Variants in PRDM13 observed in about 807,000 individuals in gnomAD.
PRDM13 encodes the protein PR domain zinc finger protein 13.
Under a neutral mutation model 36.4 loss-of-function variants are expected in PRDM13, and 15 were observed. That is an observed-to-expected ratio of 0.41 (90% CI 0.28 to 0.64). The LOEUF (loss-of-function observed/expected upper bound fraction) is 0.64. Among genes scored for constraint, PRDM13 ranks in the 30% least tolerant of loss-of-function variants. PRDM13 has a pLI of 0.29. For missense variants in PRDM13, 1,044 were observed against 1,013.5 expected (o/e 1.03, Z -0.41); for synonymous variants, 531 against 467.7 (o/e 1.14, Z -1.75).
intron 1 of PRDM13, 21 bp from the exon 2 acceptor site, chr6:99,608,720 C>T (rs1769988784): frequency 1.3e-6 from 2 of 1,591,546 alleles, no homozygotes; most frequent in South Asian, 1.1e-5. Context: ...CGGGGGAGAA[C>T]GACCACTGCT....
At chr6:99,612,104 T>G (rs1770039310) in intron 3 of PRDM13, among the ~76,000 whole-genome samples, 2 of 152,206 alleles carry the variant, frequency 1.3e-5, no homozygotes. Context: ...ATTCTGCACT[T>G]ATTAAAAGCT....
chr6:99,614,240 G>A lies in PRDM13; in HGVS notation c.1605G>A (p.Gly535=), dbSNP rs1185899296. Residue 535 remains glycine (G), a synonymous_variant, in exon 4 of 4, where the codon GGG becomes GGA. Transcript: ENST00000369215. ...AGCAGCTGTCCGAGATGGCTGCCGG[G>A]AAGGGTCGCGGACGCCTGGACTCGG... ...HNQQLSEMAA[G]KGRGRLDSGT... is the part of the protein sequence containing the mutation. 6.2e-7 allele frequency: 1 copy of A among 1,609,228 alleles called. No homozygotes were observed.
At position 99,613,848 on chromosome 6, in the gene PRDM13, G is replaced by T. The variant is rs754692246; in HGVS notation, c.1213G>T (p.Val405Leu). 23 of 1,509,958 alleles carry T rather than the reference G, an allele frequency of 1.5e-5. No homozygotes were observed. Among genetic ancestry groups the T allele is most frequent in the South Asian group, 7.4e-5 (6 of 81,072 alleles). The allele number at this position is 1,509,958 out of a possible 1,614,324, so 93.5% of individuals were successfully genotyped here. ...GGAAGAGGCGTCCGCCTTCAAGCAC[G>T]TGGAGCGCGCCCCGCCCGCAGCCGC... is the stretch of plus-strand genomic sequence containing the variant. ...PPEEASAFKH[V>L]ERAPPAAAAL... Residue 405 changes from valine (V) to leucine (L), a missense_variant, in exon 4 of 4, where the codon GTG becomes TTG. Val to Leu is a conservative substitution (Grantham distance 32, BLOSUM62 1). Transcript: ENST00000369215. The surrounding 1 kb of genome is among the most constrained non-coding windows in gnomAD (Gnocchi z 6.1).
rs374502282 is a variant in PRDM13, at chr6:99,607,169, T to C, written c.135T>C (p.Pro45=). ...KYLSDRREPG[P]KKKVRMVRGE... ...TGTCAGACCGCAGGGAGCCCGGGCC[T>C]AAGAAAAAGGTATTGACCATTCAGA... Residue 45 remains proline, a synonymous_variant, in exon 1 of 4, where the codon CCT becomes CCC. Coordinates refer to ENST00000369215, the MANE Select transcript of PRDM13 (RefSeq NM_021620.4). The C allele has an allele frequency of 2.4e-5, 38 of 1,613,568 alleles. No individual in the cohort carries two copies. Among genetic ancestry groups the C allele is most frequent in the Non-Finnish European group, 3.0e-5 (35 of 1,179,954 alleles).
rs372810417 is a variant in PRDM13 at position 99,612,212 on chromosome 6, TG to T, written c.398-820del. Among the ~76,000 whole-genome samples, 269 of 152,352 alleles carry T rather than the reference TG, an allele frequency of 1.8e-3. 3 individuals are homozygous for T. Among genetic ancestry groups the T allele is most frequent in the African/African-American group, 6.2e-3 (256 of 41,582 alleles). On this transcript the variant is annotated intron_variant, in intron 3 of 3. Coordinates refer to ENST00000369215, the MANE Select transcript of PRDM13 (RefSeq NM_021620.4). ...CCAAAGACTTTACTAAGCTTGGATT[TG>T]TGCAGCTATCTAGGAGTTAATTAAT...
intron 1 of PRDM13, among the ~76,000 whole-genome samples, chr6:99,607,806 ACAGGGTCAGAG>A (rs1302524389): frequency 1.3e-5 from 2 of 152,202 alleles, no homozygotes; most frequent in East Asian, 3.9e-4. Flanking sequence ...CGCGCGGGGC[ACAGGGTCAGAG>A]CGTCTGCAGC....
intron 3 of PRDM13, among the ~76,000 whole-genome samples, chr6:99,609,514 G>A (rs1281604508): frequency 6.6e-6 from 1 of 152,080 alleles, no homozygotes; most frequent in East Asian, 1.9e-4. Context: ...CAATGGCAGG[G>A]GAAAAAGTAG....
chr6:99,609,905 A>T (rs9376302), intron 3 of PRDM13, among the ~76,000 whole-genome samples: 23,740 of 144,866 alleles, frequency 0.16, 3,336 homozygotes, highest in East Asian at 0.7. Flanking sequence ...AATAAAAATA[A>T]AAAATAAAAA....
chr6:99,614,599 G>A lies in PRDM13; in HGVS notation c.1964G>A (p.Gly655Asp). 6.2e-7 allele frequency: 1 copy of A among 1,612,598 alleles called. No individual in the cohort carries two copies. Among genetic ancestry groups the A allele is most frequent in the East Asian group, 2.2e-5 (1 of 44,856 alleles). Reference sequence around the variant, plus strand: ...CGACATGTCAAGTCCCGCCACCCTGGCCAGAGTCTGCTCGCCAAAGCGGGC... The same window carrying A: ...CGACATGTCAAGTCCCGCCACCCTGACCAGAGTCTGCTCGCCAAAGCGGGC... ...LERHVKSRHP[G>D]QSLLAKAGDG... The change falls in exon 4 of 4, where the codon GGC becomes GAC. Residue 655 changes from glycine to aspartate, a missense_variant. Coordinates refer to ENST00000369215, the MANE Select transcript of PRDM13 (RefSeq NM_021620.4).
At position 99,614,933 on chromosome 6, in the gene PRDM13, A is replaced by G; in HGVS notation, c.*174A>G. The G allele has an allele frequency of 1.1e-6, 1 of 898,318 alleles. No homozygotes were observed. Among genetic ancestry groups the G allele is most frequent in the Non-Finnish European group, 1.6e-6 (1 of 612,618 alleles). The allele number at this position is 898,318 out of a possible 1,614,324, so 55.6% of individuals were successfully genotyped here. On this transcript the variant is annotated 3_prime_UTR_variant, in exon 4 of 4. Coordinates refer to ENST00000369215, the MANE Select transcript of PRDM13 (RefSeq NM_021620.4). ...GGTCCCACATCTGGTGCTGAAACTCAGAGCAACAGTTCAGAGGTGGCGTAA... is the reference window on the plus strand; with the variant it reads ...GGTCCCACATCTGGTGCTGAAACTCGGAGCAACAGTTCAGAGGTGGCGTAA...
chr6:99,613,483 G>A lies in PRDM13; in HGVS notation c.848G>A (p.Gly283Asp), dbSNP rs1407853093. ...GIVGGSSAGV[G>D]SLAFYPGVRS... The stretch of plus-strand genomic sequence containing the variant: ...GTGGGCGGCTCCTCGGCGGGGGTCG[G>A]CAGCCTGGCTTTCTACCCCGGCGTG... The change falls in exon 4 of 4, where the codon GGC becomes GAC. Residue 283 changes from glycine (G) to aspartate (D), a missense_variant. By Grantham distance (94) the Gly-to-Asp change is moderately conservative. Around this residue, in one of 3 missense-constraint regions of PRDM13, gnomAD observed 921 missense variants for 865.2 expected, o/e 1.06. Coordinates refer to ENST00000369215, the MANE Select transcript of PRDM13 (RefSeq NM_021620.4). The surrounding 1 kb of genome is among the most constrained non-coding windows in gnomAD (Gnocchi z 6.1). The A allele has an allele frequency of 2.6e-6, 4 of 1,529,364 alleles. No homozygotes were observed. The highest frequency in any genetic ancestry group is 2.6e-6 in the Non-Finnish European group (3 of 1,146,730). The allele number at this position is 1,529,364 out of a possible 1,614,324, so 94.7% of individuals were successfully genotyped here.
chr6:99,610,060 G>A (rs1420302595), intron 3 of PRDM13, among the ~76,000 whole-genome samples: 1 of 152,150 alleles, frequency 6.6e-6, no homozygotes, highest in Non-Finnish European at 1.5e-5. Context: ...CATTTTAGAA[G>A]TATTACGGTA....
At chr6:99,611,895 A>G (rs1428086832) in intron 3 of PRDM13, among the ~76,000 whole-genome samples, 2 of 152,248 alleles carry the variant, frequency 1.3e-5, no homozygotes, top group East Asian at 3.9e-4. Flanking sequence ...AAGAAACCCA[A>G]CTGCAAGATC....
Position 99,614,993 on chromosome 6 carries a change from A to C in PRDM13, c.*234A>C. ...CCTGGAGAGCTCGAGTGCCACCAGT[A>C]CCTCCGCACCCCGGGCCTCTGGACT... On this transcript the variant is annotated 3_prime_UTR_variant, in exon 4 of 4. Coordinates refer to ENST00000369215, the MANE Select transcript of PRDM13 (RefSeq NM_021620.4). The C allele has an allele frequency of 1.7e-6, 1 of 590,030 alleles. No individual in the cohort carries two copies. The highest frequency in any genetic ancestry group is 2.4e-5 in the South Asian group (1 of 41,218). The allele number at this position is 590,030 out of a possible 1,614,324, so 36.5% of individuals were successfully genotyped here. A position where few individuals can be genotyped will look rare whatever the true frequency, so the allele number is the denominator to read the frequency against.
In PRDM13 at chr6:99,614,619, G is replaced by C. The variant is rs1770102202; in HGVS notation, c.1984G>C (p.Ala662Pro). ...CCCTGGCCAGAGTCTGCTCGCCAAA[G>C]CGGGCGACGGCCCGGGTGCCGAGCC... Reference protein sequence around the residue: ...RHPGQSLLAKAGDGPGAEPGY... With the variant: ...RHPGQSLLAKPGDGPGAEPGY... The change falls in exon 4 of 4, where the codon GCG becomes CCG. Residue 662 changes from alanine (A) to proline (P), a missense_variant. Physicochemically the swap from Ala to Pro is conservative, Grantham distance 27. Coordinates refer to ENST00000369215, the MANE Select transcript of PRDM13 (RefSeq NM_021620.4). 1 of 1,612,448 alleles carries C rather than the reference G, an allele frequency of 6.2e-7. No individual in the cohort carries two copies. Among genetic ancestry groups the C allele is most frequent in the African/African-American group, 1.3e-5 (1 of 75,062 alleles).
At chr6:99,608,621 G>T in intron 1 of PRDM13, 120 bp from the exon 2 acceptor site, 1 of 1,380,390 alleles carries the variant, frequency 7.2e-7, no homozygotes. Context: ...GCCCATAGTG[G>T]TCTGGCCAAA....
chr6:99,612,396 C>T (rs1204928351), intron 3 of PRDM13, among the ~76,000 whole-genome samples: 1 of 152,050 alleles, frequency 6.6e-6, no homozygotes, highest in African/African-American at 2.4e-5. Flanking sequence ...TGAAGAATGG[C>T]AAATCATAGT....
chr6:99,613,682 C>G lies in PRDM13; in HGVS notation c.1047C>G (p.Gly349=), dbSNP rs1447025084. ...GCGGGGAGAACTCGGCGGCGGGCGG[C>G]GCGGGTCACCACCATCACCACCACG... ...PGSGENSAAG[G]AGHHHHHHAH... The change falls in exon 4 of 4, where the codon GGC becomes GGG. Residue 349 remains glycine, a synonymous_variant. Coordinates refer to ENST00000369215, the MANE Select transcript of PRDM13 (RefSeq NM_021620.4). This position sits in a 1 kb window ranked among gnomAD's most constrained non-coding sequence, Gnocchi z 6.1. 4 of 1,422,630 alleles carry G rather than the reference C, an allele frequency of 2.8e-6. No individual in the cohort carries two copies. The highest frequency in any genetic ancestry group is 3.6e-6 in the Non-Finnish European group (4 of 1,102,726). 88.1% of individuals were successfully genotyped at this position (1,422,630 alleles called of 1,614,324 possible). A position where few individuals can be genotyped will look rare whatever the true frequency, so the allele number is the denominator to read the frequency against.
In PRDM13 at chr6:99,613,538, G is replaced by A. The variant is rs1355780412; in HGVS notation, c.903G>A (p.Ala301=). The change falls in exon 4 of 4, where the codon GCG becomes GCA. Residue 301 remains alanine (A), a synonymous_variant. Transcript: ENST00000369215. This position sits in a 1 kb window ranked among gnomAD's most constrained non-coding sequence, Gnocchi z 6.1. ...CAGCTTTCAAGCCCGCCGGCCTAGC[G>A]AGGGCGGCGGCGGCCGCTCACGGCG... The part of the protein sequence containing the change: ...VRSAFKPAGL[A]RAAAAAHGDP... 6 of 1,496,724 alleles carry A rather than the reference G, an allele frequency of 4.0e-6. No individual in the cohort carries two copies. Among genetic ancestry groups the A allele is most frequent in the African/African-American group, 1.5e-5 (1 of 68,538 alleles). The allele number at this position is 1,496,724 out of a possible 1,614,324, so 92.7% of individuals were successfully genotyped here.
Sources: gnomAD v4.1 joint callset for allele counts (sites outside exome capture counted in the v4.1 genomes callset) on GRCh38, gnomAD v4.1.1 for gene constraint, gnomAD v4.1.1 regional missense constraint, Gnocchi (gnomAD v3.1) non-coding constraint, MANE v1.5 for transcripts, NCBI Gene and HGNC (gene_info 2026-07-23, HGNC 2026-07-21) for gene names.